CNIH3: variants seen among roughly 807,000 people sequenced by gnomAD.
The protein encoded by CNIH3 is protein cornichon homolog 3.
In CNIH3, 14 loss-of-function variants were observed where a neutral mutation model predicts 24.1. The ratio of observed to expected loss-of-function variants is 0.58; its 90% CI spans 0.38 to 0.91. The LOEUF is 0.91. CNIH3 is among the 40% of genes least tolerant of loss of function. CNIH3 has a pLI of 0.00. For missense variants in CNIH3, 178 were observed against 196.8 expected (o/e 0.90, Z 0.57); for synonymous variants, 68 against 73.8 (o/e 0.92, Z 0.40).
chr1:224,674,238 T>G (rs993715149), intron 1 of CNIH3, among the ~76,000 whole-genome samples: 38 of 143,152 alleles, frequency 2.7e-4, no homozygotes, highest in Non-Finnish European at 2.7e-4. Flanking sequence ...TAATGCACAT[T>G]GACATTTCAA....
downstream of CNIH3, among the ~76,000 whole-genome samples, chr1:224,539,264 A>G (rs1572438864): frequency 6.6e-6 from 1 of 152,106 alleles, no homozygotes; most frequent in Non-Finnish European, 1.5e-5. Context: ...GTCGTCTTCC[A>G]TTTCTTGTTC....
intron 3 of CNIH3, among the ~76,000 whole-genome samples, chr1:224,700,324 ATACT>A (rs1328360597): frequency 2.0e-5 from 3 of 152,222 alleles, no homozygotes; most frequent in Non-Finnish European, 4.4e-5. Flanking sequence ...CTGTCTCCAA[ATACT>A]TACTGTCCCA....
chr1:224,558,856 G>C (rs1680249952), intron 3 of CNIH3, among the ~76,000 whole-genome samples: 1 of 152,194 alleles, frequency 6.6e-6, no homozygotes, highest in East Asian at 1.9e-4. Context: ...AACTTCTGAA[G>C]GATGGCAGTA....
At chr1:224,655,801 C>T (rs745582728) in intron 1 of CNIH3, among the ~76,000 whole-genome samples, 4 of 152,082 alleles carry the variant, frequency 2.6e-5, no homozygotes, top group South Asian at 4.2e-4. Context: ...TCTCTCTCAA[C>T]GGACTAAAAT....
chr1:224,559,968 C>G (rs1018178579), intron 3 of CNIH3, among the ~76,000 whole-genome samples: 1 of 152,004 alleles, frequency 6.6e-6, no homozygotes, highest in African/African-American at 2.4e-5. Flanking sequence ...TTAGTTTCAA[C>G]TATTTTTGAA....
intron 3 of CNIH3, among the ~76,000 whole-genome samples, chr1:224,558,422 G>T (rs541246254): frequency 5.5e-4 from 83 of 152,252 alleles, no homozygotes; most frequent in African/African-American, 2.0e-3. Context: ...GGTGGGGAAC[G>T]ATGGAATACC....
chr1:224,583,377 A>G (rs1681359202), intron 5 of CNIH3: 1 of 152,328 alleles, frequency 6.6e-6, no homozygotes, highest in South Asian at 2.1e-4. Context: ...TCAATGGTGG[A>G]AATGTCAACC....
In CNIH3 at chr1:224,518,861, T is replaced by C. The variant is rs114263387; in HGVS notation, n.16-2139T>C. Among the ~76,000 whole-genome samples, 598 of 152,300 alleles carry C rather than the reference T, an allele frequency of 3.9e-3. 5 individuals are homozygous for C. Among genetic ancestry groups the C allele is most frequent in the African/African-American group, 0.014 (574 of 41,566 alleles). On this transcript the variant is annotated intron_variant and non_coding_transcript_variant, in intron 1 of 2. Coordinates refer to the CNIH3 transcript ENST00000470602. The stretch of plus-strand genomic sequence containing the variant: ...CGAGTTTAGTCCTCCTTTTGCTTCA[T>C]ATGGAGGAATAGTGGTTACAAACAG...
intron 1 of CNIH3, among the ~76,000 whole-genome samples, chr1:224,471,104 G>A (rs555649068): frequency 5.5e-4 from 83 of 152,278 alleles, no homozygotes; most frequent in African/African-American, 1.9e-3. Flanking sequence ...CTGGAGTGCA[G>A]TGGCACAATC....
At chr1:224,441,825 T>G (rs1185047579) in intron 1 of CNIH3, among the ~76,000 whole-genome samples, 2 of 152,122 alleles carry the variant, frequency 1.3e-5, no homozygotes, top group African/African-American at 2.4e-5. Flanking sequence ...TAAATAATAC[T>G]AAATGTATAG....
intron 3 of CNIH3, among the ~76,000 whole-genome samples, chr1:224,606,271 C>G (rs1462869981): frequency 6.6e-6 from 1 of 152,088 alleles, no homozygotes; most frequent in Non-Finnish European, 1.5e-5. Flanking sequence ...CCTCTTGGTA[C>G]CTGAGTTCTT....
intron 2 of CNIH3, among the ~76,000 whole-genome samples, chr1:224,534,260 G>A (rs1679194797): frequency 6.6e-6 from 1 of 152,206 alleles, no homozygotes; most frequent in Admixed American, 6.5e-5. Flanking sequence ...TGTGTTGAAT[G>A]AATGTATGAA....
At chr1:224,585,447 G>A (rs1395344701) in intron 5 of CNIH3, among the ~76,000 whole-genome samples, 1 of 151,896 alleles carries the variant, frequency 6.6e-6, no homozygotes, top group African/African-American at 2.4e-5. Flanking sequence ...ATATACTGGT[G>A]ATATTAAACC....
At chr1:224,571,678 T>G (rs1447415883) in intron 4 of CNIH3, among the ~76,000 whole-genome samples, 1 of 151,970 alleles carries the variant, frequency 6.6e-6, no homozygotes, top group Non-Finnish European at 1.5e-5. Flanking sequence ...TGAGGCGAGA[T>G]CGCACCACTG....
intron 1 of CNIH3, among the ~76,000 whole-genome samples, chr1:224,639,843 C>T (rs1032747025): frequency 5.3e-5 from 8 of 152,202 alleles, no homozygotes; most frequent in Admixed American, 3.3e-4. Flanking sequence ...AGCCTGGCTT[C>T]CTTAACCCGA....
chr1:224,633,184 G>A (rs563764710), intron 1 of CNIH3, among the ~76,000 whole-genome samples: 1 of 151,716 alleles, frequency 6.6e-6, no homozygotes, highest in African/African-American at 2.4e-5. Context: ...TTTGAGACAC[G>A]TTCTTGCTCT....
intron 3 of CNIH3, among the ~76,000 whole-genome samples, chr1:224,728,615 T>C (rs1000484668): frequency 2.0e-5 from 3 of 152,234 alleles, no homozygotes; most frequent in South Asian, 4.1e-4. Context: ...TGCATGTCTT[T>C]ATTTTTAATG....
At chr1:224,728,593 A>T (rs1040494632) in intron 3 of CNIH3, among the ~76,000 whole-genome samples, 5 of 152,210 alleles carry the variant, frequency 3.3e-5, no homozygotes, top group African/African-American at 1.2e-4. Context: ...AAAATGTCTT[A>T]CACGTGTGCT....
chr1:224,685,411 G>A (rs960307949), intron 3 of CNIH3, among the ~76,000 whole-genome samples: 6 of 152,188 alleles, frequency 3.9e-5, no homozygotes, highest in Non-Finnish European at 5.9e-5. Flanking sequence ...TTCAGGAAGC[G>A]CATGTGGGCA....
Sources: allele counts gnomAD v4.1 joint callset (sites outside exome capture counted in the v4.1 genomes callset), GRCh38; gene constraint gnomAD v4.1.1; transcripts MANE v1.5; gene names NCBI Gene and HGNC (gene_info 2026-07-23, HGNC 2026-07-21).